The following TMEM132D variants were observed in gnomAD, a reference collection of about 807,000 sequenced individuals.
The protein encoded by TMEM132D is mature OL transmembrane protein.
Under a neutral mutation model 62.3 loss-of-function variants are expected in TMEM132D, and 21 were observed. The ratio of observed to expected loss-of-function variants is 0.34; its 90% CI spans 0.24 to 0.49. TMEM132D has a LOEUF of 0.49. Ranked by LOEUF, TMEM132D falls within the 20% of genes least tolerant of loss-of-function variation. The probability of loss-of-function intolerance (pLI) is 0.99; values close to 1 mark genes in which losing one functional copy is unlikely to be tolerated. For missense variants in TMEM132D, 1,346 were observed against 1,402.8 expected (o/e 0.96, Z 0.65); for synonymous variants, 621 against 575.6 (o/e 1.08, Z -1.13).
At chr12:129,344,347 C>A (rs1476068351) in intron 3 of TMEM132D, among the ~76,000 whole-genome samples, 1 of 152,110 alleles carries the variant, frequency 6.6e-6, no homozygotes, top group Non-Finnish European at 1.5e-5. Flanking sequence ...TTCTGGCAAA[C>A]CCCAAATGGA....
In TMEM132D at chr12:129,660,287, C is replaced by T. The variant is rs139159586; in HGVS notation, c.968+39523G>A. Among the ~76,000 whole-genome samples the T allele has an allele frequency of 2.7e-3, 394 of 144,914 alleles. 4 individuals carry two copies. The highest frequency in any genetic ancestry group is 9.5e-3 in the African/African-American group (374 of 39,396). On this transcript the variant is annotated intron_variant, in intron 2 of 8. Coordinates refer to ENST00000422113, the MANE Select transcript of TMEM132D (RefSeq NM_133448.3). ...TGCTCTGAGACCTCCTAGAGAAGCA[C>T]ACAGTGGTTCACTGTGTCTGGGATG...
intron 3 of TMEM132D, among the ~76,000 whole-genome samples, chr12:129,472,753 T>C (rs566897808): frequency 6.6e-6 from 1 of 152,360 alleles, no homozygotes; most frequent in South Asian, 2.1e-4. Flanking sequence ...GATTCTTCAA[T>C]TTTGAAAGAC....
chr12:129,381,704 C>CTCTT (rs34199569), intron 3 of TMEM132D, among the ~76,000 whole-genome samples: 103,927 of 151,302 alleles, frequency 0.69, 36,325 homozygotes, highest in Non-Finnish European at 0.76. Context: ...CCTTTCCTTT[C>CTCTT]TCTTTCTTTT....
chr12:129,114,118 G>A (rs1400886616), intron 5 of TMEM132D, among the ~76,000 whole-genome samples: 1 of 152,106 alleles, frequency 6.6e-6, no homozygotes, highest in Non-Finnish European at 1.5e-5. Context: ...TGCATAGAAG[G>A]TACACCTGCC....
At chr12:129,384,887 T>C (rs891364064) in intron 3 of TMEM132D, among the ~76,000 whole-genome samples, 2 of 152,136 alleles carry the variant, frequency 1.3e-5, no homozygotes, top group African/African-American at 4.8e-5. Flanking sequence ...TAAGAATTTC[T>C]GAGTTTCTAT....
chr12:129,580,444 G>T (rs137973923), intron 2 of TMEM132D, among the ~76,000 whole-genome samples: 2 of 152,152 alleles, frequency 1.3e-5, no homozygotes, highest in South Asian at 4.1e-4. Context: ...GTTGGAGGAA[G>T]GTTTGGTGGA....
At chr12:129,458,895 A>C (rs1873567438) in intron 3 of TMEM132D, among the ~76,000 whole-genome samples, 1 of 152,200 alleles carries the variant, frequency 6.6e-6, no homozygotes, top group South Asian at 2.1e-4. Context: ...TGGATGTCAG[A>C]GCTGGAAGGC....
At chr12:129,166,586 A>C (rs1877557762) in intron 5 of TMEM132D, among the ~76,000 whole-genome samples, 2 of 151,730 alleles carry the variant, frequency 1.3e-5, no homozygotes, top group Admixed American at 1.3e-4. Flanking sequence ...AACGAAGTCA[A>C]ACCAAATGTG....
At chr12:129,828,285 T>C (rs1872714841) in intron 1 of TMEM132D, among the ~76,000 whole-genome samples, 1 of 152,178 alleles carries the variant, frequency 6.6e-6, no homozygotes, top group African/African-American at 2.4e-5. Context: ...TTCAGGATTA[T>C]TAGTCTTTGC....
intron 1 of TMEM132D, among the ~76,000 whole-genome samples, chr12:129,873,933 T>TCATTTG: frequency 6.6e-6 from 1 of 152,306 alleles, no homozygotes; most frequent in African/African-American, 2.4e-5. Context: ...AACTCCCCAT[T>TCATTTG]CATTTGCTCT....
chr12:129,139,812 A>G (rs1876685684), intron 5 of TMEM132D, among the ~76,000 whole-genome samples: 1 of 152,010 alleles, frequency 6.6e-6, no homozygotes, highest in African/African-American at 2.4e-5. Flanking sequence ...CTGCACTCAA[A>G]TGATCCTCCC....
intron 1 of TMEM132D, among the ~76,000 whole-genome samples, chr12:129,746,183 A>C (rs11060529): frequency 0.065 from 9,933 of 152,326 alleles, 348 homozygotes; most frequent in South Asian, 0.12. Flanking sequence ...GCCAGTGCAA[A>C]GGGAGCACAG....
At chr12:129,768,983 G>A (rs1870642850) in intron 1 of TMEM132D, among the ~76,000 whole-genome samples, 1 of 152,172 alleles carries the variant, frequency 6.6e-6, no homozygotes, top group Non-Finnish European at 1.5e-5. Flanking sequence ...TCCTTGAAAA[G>A]CTCCTCGAGC....
At chr12:129,662,812 A>AAAAAAAGAG (rs1555224287) in intron 2 of TMEM132D, among the ~76,000 whole-genome samples, 30 of 83,412 alleles carry the variant, frequency 3.6e-4, no homozygotes, top group Non-Finnish European at 4.4e-4. Context: ...AAAAAAAAAA[A>AAAAAAAGAG]AGAGAGAGAG....
chr12:129,895,397 T>C (rs531671674), intron 1 of TMEM132D, among the ~76,000 whole-genome samples: 2 of 152,300 alleles, frequency 1.3e-5, no homozygotes, highest in East Asian at 3.9e-4. Context: ...ACTTCTAAGT[T>C]TTGAGAGGTT....
intron 5 of TMEM132D, among the ~76,000 whole-genome samples, chr12:129,197,609 G>C (rs892344311): frequency 6.6e-6 from 1 of 152,062 alleles, no homozygotes; most frequent in African/African-American, 2.4e-5. Context: ...GAATAAAACT[G>C]GATCTTTATC....
intron 3 of TMEM132D, among the ~76,000 whole-genome samples, chr12:129,412,619 G>A (rs1294934274): frequency 6.6e-6 from 1 of 152,164 alleles, no homozygotes; most frequent in Non-Finnish European, 1.5e-5. Flanking sequence ...CACTTCAGGA[G>A]GCCAAGGTGG....
chr12:129,226,079 A>T (rs1379160697), intron 4 of TMEM132D, among the ~76,000 whole-genome samples: 1 of 152,184 alleles, frequency 6.6e-6, no homozygotes, highest in African/African-American at 2.4e-5. Context: ...AGGGACTTTC[A>T]AGGGTGATGT....
intron 5 of TMEM132D, among the ~76,000 whole-genome samples, chr12:129,122,269 C>A (rs1876089312): frequency 6.6e-6 from 1 of 152,164 alleles, no homozygotes. Flanking sequence ...ATATTGTGCA[C>A]ACCAGACATA....
Sources: allele counts gnomAD v4.1 joint callset (sites outside exome capture counted in the v4.1 genomes callset), GRCh38; gene constraint gnomAD v4.1.1; transcripts MANE v1.5; gene names NCBI Gene and HGNC (gene_info 2026-07-23, HGNC 2026-07-21).